The following ZNF438 variants were observed in gnomAD, a reference collection of about 807,000 sequenced individuals.
ZNF438 encodes the protein zinc finger protein 438.
ZNF438 carries 25 observed loss-of-function variants against 38.0 expected under a neutral mutation model. The ratio of observed to expected loss-of-function variants is 0.66; its 90% CI spans 0.48 to 0.92. ZNF438 has a LOEUF of 0.92. ZNF438 is among the 40% of genes least tolerant of loss of function. The probability of loss-of-function intolerance (pLI) is 0.00; values close to 1 mark genes in which losing one functional copy is unlikely to be tolerated. For synonymous variants in ZNF438, 372 were observed against 364.1 expected (o/e 1.02, Z -0.25); for missense variants, 1,007 against 999.6 (o/e 1.01, Z -0.10).
chr10:31,010,820 G>C (rs2055601716), intron 1 of ZNF438, among the ~76,000 whole-genome samples: 1 of 143,624 alleles, frequency 7.0e-6, no homozygotes, highest in Non-Finnish European at 1.5e-5. Context: ...TTGTGCCCAG[G>C]AGTTCAAGGC....
chr10:30,903,748 C>T (rs1735251473), intron 3 of ZNF438, among the ~76,000 whole-genome samples: 1 of 152,134 alleles, frequency 6.6e-6, no homozygotes, highest in African/African-American at 2.4e-5. Flanking sequence ...ATTTGTAGAC[C>T]ATGTAACCTT....
chr10:30,942,277 TG>T (rs1481776912), intron 1 of ZNF438, among the ~76,000 whole-genome samples: 2 of 152,182 alleles, frequency 1.3e-5, no homozygotes, highest in African/African-American at 4.8e-5. Context: ...ATTCAGTACA[TG>T]GGGCTTTATT....
At chr10:30,863,771 C>T (rs1328913175) in intron 4 of ZNF438, among the ~76,000 whole-genome samples, 1 of 152,116 alleles carries the variant, frequency 6.6e-6, no homozygotes, top group African/African-American at 2.4e-5. Context: ...TCCACACGCA[C>T]TCCCCTCATA....
At chr10:30,984,284 C>T (rs1447916300) in intron 1 of ZNF438, 85 bp downstream of exon 2, 1 of 151,928 alleles carries the variant, frequency 6.6e-6, no homozygotes, top group Admixed American at 6.6e-5. Context: ...TAAGATATGC[C>T]CCACTGTCTA....
At chr10:30,890,279 T>C (rs960857744) in intron 3 of ZNF438, among the ~76,000 whole-genome samples, 2 of 152,220 alleles carry the variant, frequency 1.3e-5, no homozygotes, top group African/African-American at 4.8e-5. Context: ...AGAGGGCATT[T>C]TTCTGCCTCA....
chr10:30,957,238 T>C (rs1307432613), intron 1 of ZNF438, among the ~76,000 whole-genome samples: 1 of 152,194 alleles, frequency 6.6e-6, no homozygotes, highest in Admixed American at 6.5e-5. Flanking sequence ...ATTCAGATTG[T>C]TTGCTTGCTT....
intron 4 of ZNF438, among the ~76,000 whole-genome samples, chr10:30,856,475 A>G (rs539414665): frequency 7.6e-6 from 1 of 131,000 alleles, no homozygotes; most frequent in East Asian, 2.3e-4. Flanking sequence ...ATACTAAGAT[A>G]GTATGTCTGC....
intron 1 of ZNF438, among the ~76,000 whole-genome samples, chr10:30,990,618 T>C (rs188075833): frequency 1.3e-3 from 200 of 152,294 alleles, no homozygotes; most frequent in Middle Eastern, 3.4e-3. Flanking sequence ...AGGAATCAAA[T>C]CTGAGTCTGA....
At chr10:30,896,286 A>AT (rs200312554) in intron 3 of ZNF438, among the ~76,000 whole-genome samples, 12,073 of 114,952 alleles carry the variant, frequency 0.11, 592 homozygotes, top group Non-Finnish European at 0.12. Flanking sequence ...ACTGAGTGAG[A>AT]CTCCATCTCA....
chr10:30,971,263 C>CAGT (rs1202607082), intron 1 of ZNF438, among the ~76,000 whole-genome samples: 1 of 152,156 alleles, frequency 6.6e-6, no homozygotes, highest in African/African-American at 2.4e-5. Context: ...CTCATAGTAA[C>CAGT]TACGCAGTAA....
chr10:30,931,095 CAT>C (rs1444865019), intron 2 of ZNF438, among the ~76,000 whole-genome samples: 8 of 152,160 alleles, frequency 5.3e-5, no homozygotes, highest in African/African-American at 1.9e-4. Context: ...CACAGTGACA[CAT>C]GAGGTCAAAG....
At chr10:30,954,408 A>C (rs986727123) in intron 1 of ZNF438, among the ~76,000 whole-genome samples, 1 of 152,234 alleles carries the variant, frequency 6.6e-6, no homozygotes, top group Non-Finnish European at 1.5e-5. Flanking sequence ...AATTACTATT[A>C]AGGCTTGGGG....
intron 3 of ZNF438, among the ~76,000 whole-genome samples, chr10:30,901,732 G>A (rs1237399369): frequency 2.6e-5 from 4 of 151,454 alleles, no homozygotes; most frequent in Admixed American, 6.6e-5. Flanking sequence ...AAATGTGTCC[G>A]CAATTGGTGG....
At chr10:30,945,455 G>A (rs2047290314) in intron 1 of ZNF438, among the ~76,000 whole-genome samples, 1 of 150,618 alleles carries the variant, frequency 6.6e-6, no homozygotes, top group South Asian at 2.1e-4. Context: ...ACATTGTGCA[G>A]GTTAGTTACA....
intron 1 of ZNF438, among the ~76,000 whole-genome samples, chr10:30,996,222 G>A (rs955210113): frequency 6.6e-6 from 1 of 152,154 alleles, no homozygotes; most frequent in East Asian, 1.9e-4. Context: ...AACAAAATTC[G>A]TAACTGCAGA....
intron 3 of ZNF438, among the ~76,000 whole-genome samples, chr10:30,890,100 A>G (rs1047281033): frequency 1.8e-3 from 268 of 150,058 alleles, no homozygotes; most frequent in African/African-American, 6.2e-3. Context: ...AAAAAAAAAA[A>G]AAAGAAAAAA....
At chr10:30,875,516 T>TA in intron 4 of ZNF438, 1 of 985,272 alleles carries the variant, frequency 1.0e-6, no homozygotes, top group Non-Finnish European at 1.2e-6. Flanking sequence ...CTTGCTTGGA[T>TA]AAAAAAAGGT....
At chr10:30,983,699 T>C (rs2052471202) in intron 1 of ZNF438, among the ~76,000 whole-genome samples, 1 of 152,242 alleles carries the variant, frequency 6.6e-6, no homozygotes, top group African/African-American at 2.4e-5. Flanking sequence ...ATCGTTTTTA[T>C]GTAATCTGGA....
chr10:31,015,735 G>T (rs547356925), intron 1 of ZNF438, among the ~76,000 whole-genome samples: 1 of 152,334 alleles, frequency 6.6e-6, no homozygotes, highest in South Asian at 2.1e-4. Context: ...CTGCAATAAT[G>T]ACATACCATG....
Sources: allele counts gnomAD v4.1 joint callset (sites outside exome capture counted in the v4.1 genomes callset), GRCh38; gene constraint gnomAD v4.1.1; transcripts MANE v1.5; gene names NCBI Gene and HGNC (gene_info 2026-07-23, HGNC 2026-07-21).